The following RABGAP1L variants were observed in gnomAD, a reference collection of about 807,000 sequenced individuals.
RABGAP1L encodes rab GTPase-activating protein 1-like.
Under a neutral mutation model 137.7 loss-of-function variants are expected in RABGAP1L, and 63 were observed. That is an observed-to-expected ratio of 0.46 (90% confidence interval 0.37 to 0.56). The LOEUF (loss-of-function observed/expected upper bound fraction) is 0.56, where lower values mean the gene tolerates loss of function less well. RABGAP1L is among the 20% of genes least tolerant of loss of function. The pLI is 0.00. For missense variants in RABGAP1L, 1,095 were observed against 1,244.0 expected (o/e 0.88, Z 1.80); for synonymous variants, 431 against 433.7 (o/e 0.99, Z 0.08).
chr1:174,689,873 A>G (rs1678752268), intron 15 of RABGAP1L, among the ~76,000 whole-genome samples: 1 of 152,200 alleles, frequency 6.6e-6, no homozygotes, highest in South Asian at 2.1e-4. Flanking sequence ...ATGATGGGAC[A>G]GTAGGATGCT....
intron 1 of RABGAP1L, among the ~76,000 whole-genome samples, chr1:174,218,245 C>T (rs1052695053): frequency 2.0e-5 from 3 of 152,096 alleles, no homozygotes; most frequent in East Asian, 1.9e-4. Flanking sequence ...GTTTGCATAG[C>T]CTTTAGAGTG....
At chr1:174,258,077 C>G (rs773270124) in intron 7 of RABGAP1L, among the ~76,000 whole-genome samples, 1 of 152,176 alleles carries the variant, frequency 6.6e-6, no homozygotes, top group Admixed American at 6.5e-5. Flanking sequence ...AATGACTCTT[C>G]CCTAAACAAT....
intron 1 of RABGAP1L, among the ~76,000 whole-genome samples, chr1:174,169,279 G>A (rs1305095828): frequency 6.6e-6 from 1 of 152,002 alleles, no homozygotes; most frequent in African/African-American, 2.4e-5. Flanking sequence ...GAGTGCAGTG[G>A]CATGATCTTG....
At chr1:174,353,046 G>A (rs552055213) in intron 11 of RABGAP1L, among the ~76,000 whole-genome samples, 1 of 152,206 alleles carries the variant, frequency 6.6e-6, no homozygotes, top group East Asian at 1.9e-4. Context: ...GCATAGCACA[G>A]GATCTCATCC....
Position 174,230,437 on chromosome 1 carries a change from C to T in RABGAP1L, c.332-708C>T, listed in dbSNP as rs114520498. On this transcript the variant is annotated intron_variant, in intron 3 of 25. Transcript: ENST00000681986. Reference sequence around the variant, plus strand: ...AAAAAAAGGAAGTCAATTATGCATTCGTCTTAGTGTAGGTGAAGGGACGAT... The same window carrying T: ...AAAAAAAGGAAGTCAATTATGCATTTGTCTTAGTGTAGGTGAAGGGACGAT... Among the ~76,000 whole-genome samples, 1,516 of 152,150 alleles carry T rather than the reference C, an allele frequency of 1.0e-2. 25 individuals are homozygous for T. The highest frequency in any genetic ancestry group is 0.035 in the African/African-American group (1,449 of 41,512).
intron 17 of RABGAP1L, 27 bp downstream of exon 17, chr1:174,702,283 G>C (rs201870974): frequency 5.2e-6 from 8 of 1,544,504 alleles, no homozygotes; most frequent in Admixed American, 4.1e-5. Flanking sequence ...CTTTCACTAA[G>C]CCAAAATAGA....
chr1:174,639,639 C>G (rs963281046), intron 14 of RABGAP1L, among the ~76,000 whole-genome samples: 1 of 152,126 alleles, frequency 6.6e-6, no homozygotes, highest in East Asian at 1.9e-4. Flanking sequence ...CTTCACATAA[C>G]TAAAACAGAT....
chr1:174,686,643 G>A lies in RABGAP1L; in HGVS notation c.1899+3047G>A, dbSNP rs1006470472. ...GTGGTGAAGCTTTGGTTTGAACAAA[G>A]CAATCTTTTTTTTTTTTTTTTTTTT... On this transcript the variant is annotated intron_variant, in intron 15 of 25. Coordinates refer to ENST00000681986, the MANE Select transcript of RABGAP1L (RefSeq NM_001366446.1). Among the ~76,000 whole-genome samples, 8 of 126,654 alleles carry A rather than the reference G, an allele frequency of 6.3e-5. 1 individual carries two copies. 83.1% of individuals were successfully genotyped at this position (126,654 alleles called of 152,430 possible). A position where few individuals can be genotyped will look rare whatever the true frequency, so the allele number is the denominator to read the frequency against.
intron 13 of RABGAP1L, among the ~76,000 whole-genome samples, chr1:174,620,244 G>A (rs977461802): frequency 1.3e-5 from 2 of 152,120 alleles, no homozygotes; most frequent in Admixed American, 6.5e-5. Context: ...AAGTTAACAA[G>A]GATATCCAGG....
intron 19 of RABGAP1L, among the ~76,000 whole-genome samples, chr1:174,876,987 C>T (rs560599931): frequency 2.0e-4 from 31 of 151,644 alleles, no homozygotes; most frequent in African/African-American, 7.0e-4. Flanking sequence ...TCTAAGATTA[C>T]GAAAAAATAA....
chr1:174,320,037 T>C (rs866128891), intron 11 of RABGAP1L, among the ~76,000 whole-genome samples: 36 of 152,148 alleles, frequency 2.4e-4, no homozygotes, highest in African/African-American at 8.2e-4. Context: ...CTGATTTTTG[T>C]CTAAAAATTT....
intron 13 of RABGAP1L, among the ~76,000 whole-genome samples, chr1:174,564,172 T>G (rs1031179356): frequency 2.0e-5 from 3 of 152,204 alleles, no homozygotes; most frequent in African/African-American, 4.8e-5. Flanking sequence ...ATCTTTTTAA[T>G]CTCATATCAT....
At chr1:174,756,175 G>T (rs780885183) in intron 18 of RABGAP1L, among the ~76,000 whole-genome samples, 1 of 152,158 alleles carries the variant, frequency 6.6e-6, no homozygotes, top group African/African-American at 2.4e-5. Flanking sequence ...TTGAGGCAGA[G>T]TCTGGTTCTG....
At chr1:174,454,605 C>T (rs571097587) in intron 13 of RABGAP1L, among the ~76,000 whole-genome samples, 1 of 145,054 alleles carries the variant, frequency 6.9e-6, no homozygotes, top group East Asian at 2.0e-4. Flanking sequence ...GGCTGGAGGG[C>T]AGTGGCGCTA....
At chr1:174,227,589 T>C (rs1344245213) in intron 3 of RABGAP1L, among the ~76,000 whole-genome samples, 1 of 152,174 alleles carries the variant, frequency 6.6e-6, no homozygotes, top group Non-Finnish European at 1.5e-5. Context: ...TCTGTTCTTG[T>C]TTTTCCCCTC....
intron 13 of RABGAP1L, among the ~76,000 whole-genome samples, chr1:174,460,332 A>G (rs948492984): frequency 1.3e-5 from 2 of 152,118 alleles, no homozygotes; most frequent in Non-Finnish European, 2.9e-5. Flanking sequence ...ATGATAAAAA[A>G]GAGACTAAAT....
intron 19 of RABGAP1L, among the ~76,000 whole-genome samples, chr1:174,953,900 G>T (rs1668109816): frequency 6.6e-6 from 1 of 152,168 alleles, no homozygotes; most frequent in South Asian, 2.1e-4. Flanking sequence ...CAAGGAGTAG[G>T]TACAAGGCAG....
At chr1:174,650,560 TG>T (rs1231525137) in intron 14 of RABGAP1L, among the ~76,000 whole-genome samples, 1 of 152,168 alleles carries the variant, frequency 6.6e-6, no homozygotes, top group African/African-American at 2.4e-5. Context: ...GGTTTAGTCT[TG>T]GGAGGGTGTA....
At chr1:174,420,682 T>C (rs80253102) in intron 13 of RABGAP1L, among the ~76,000 whole-genome samples, 4 of 150,478 alleles carry the variant, frequency 2.7e-5, no homozygotes, top group Non-Finnish European at 4.4e-5. Flanking sequence ...GTTTTGTTTT[T>C]TTTTTTTTTT....
Sources: allele counts gnomAD v4.1 joint callset (sites outside exome capture counted in the v4.1 genomes callset), GRCh38; gene constraint gnomAD v4.1.1; transcripts MANE v1.5; gene names NCBI Gene and HGNC (gene_info 2026-07-23, HGNC 2026-07-21).